The following PTPRD variants were observed in gnomAD, a reference collection of about 807,000 sequenced individuals.
PTPRD encodes the protein receptor-type tyrosine-protein phosphatase delta.
PTPRD carries 34 observed loss-of-function variants against 214.5 expected under a neutral mutation model. The observed-to-expected ratio is 0.16, with a 90% CI of 0.12 to 0.21. PTPRD has a LOEUF of 0.21. Among genes scored for constraint, PTPRD ranks in the 10% least tolerant of loss-of-function variants. The probability of loss-of-function intolerance (pLI) is 1.00; values close to 1 mark genes in which losing one functional copy is unlikely to be tolerated. For synonymous variants in PTPRD, 1,128 were observed against 845.7 expected, an observed-to-expected ratio of 1.33 and a Z score of -5.79; for missense variants, 2,545 against 2,398.7, an observed-to-expected ratio of 1.06 and a Z score of -1.27.
intron 11 of PTPRD, among the ~76,000 whole-genome samples, chr9:8,966,376 A>C (rs1463849562): frequency 6.6e-6 from 1 of 152,102 alleles, no homozygotes; most frequent in Non-Finnish European, 1.5e-5. Flanking sequence ...TAACCAAAAC[A>C]GCATGGTACT....
chr9:10,509,581 T>TATATATATATATATATA (rs1566622187), intron 2 of PTPRD, among the ~76,000 whole-genome samples: 42 of 58,974 alleles, frequency 7.1e-4, no homozygotes, highest in African/African-American at 3.0e-3. Context: ...ATATATATAT[T>TATATATATATATATATA]TTACTCACTT....
At chr9:8,627,139 T>A (rs1376228480) in intron 14 of PTPRD, among the ~76,000 whole-genome samples, 1 of 151,800 alleles carries the variant, frequency 6.6e-6, no homozygotes, top group Non-Finnish European at 1.5e-5. Context: ...ATTTTACACA[T>A]TTTGCACCCA....
chr9:8,433,874 C>T (rs553211431), intron 35 of PTPRD, among the ~76,000 whole-genome samples: 12 of 152,286 alleles, frequency 7.9e-5, no homozygotes, highest in African/African-American at 7.2e-5. Context: ...TATACAGTAA[C>T]GTCCTAGGCC....
intron 11 of PTPRD, among the ~76,000 whole-genome samples, chr9:8,755,676 G>C (rs1172246462): frequency 6.6e-6 from 1 of 152,076 alleles, no homozygotes; most frequent in Non-Finnish European, 1.5e-5. Flanking sequence ...AGAAAATATA[G>C]CTTTTCTAGA....
intron 2 of PTPRD, among the ~76,000 whole-genome samples, chr9:10,494,367 T>G (rs970315073): frequency 6.6e-6 from 1 of 151,818 alleles, no homozygotes; most frequent in Non-Finnish European, 1.5e-5. Flanking sequence ...GATCATTTAC[T>G]CTAATTTCTG....
In PTPRD at chr9:8,849,136, T is replaced by C. The variant is rs1450043399; in HGVS notation, c.-103-115190A>G. Among the ~76,000 whole-genome samples the C allele has an allele frequency of 2.6e-5, 4 of 151,922 alleles. No individual in the cohort carries two copies. The East Asian group carries it at 5.8e-4, about 22-fold the overall frequency. ...TTCTAATGAATAATTATTCTTCACA[T>C]TTTATGGTTTCAATTCTACTCAACT... On this transcript the variant is annotated intron_variant, in intron 11 of 45. Coordinates refer to ENST00000381196, the MANE Select transcript of PTPRD (RefSeq NM_002839.4).
intron 5 of PTPRD, among the ~76,000 whole-genome samples, chr9:9,929,162 G>C (rs2085447609): frequency 6.6e-6 from 1 of 152,092 alleles, no homozygotes; most frequent in South Asian, 2.1e-4. Context: ...GTGTTTGTTA[G>C]CTCCCACATT....
At chr9:10,097,872 G>A (rs1450721436) in intron 3 of PTPRD, among the ~76,000 whole-genome samples, 1 of 151,746 alleles carries the variant, frequency 6.6e-6, no homozygotes, top group Non-Finnish European at 1.5e-5. Flanking sequence ...ATTGGCTGTA[G>A]GAACACTTTC....
intron 8 of PTPRD, among the ~76,000 whole-genome samples, chr9:9,513,558 C>A (rs998721169): frequency 6.6e-6 from 1 of 150,620 alleles, no homozygotes; most frequent in East Asian, 2.0e-4. Flanking sequence ...TCTCCATGTA[C>A]TCAGTAATAA....
chr9:9,421,841 T>C (rs563330311), intron 8 of PTPRD, among the ~76,000 whole-genome samples: 2 of 152,200 alleles, frequency 1.3e-5, no homozygotes, highest in Admixed American at 6.5e-5. Flanking sequence ...TAATTCTTTC[T>C]TCTCCCTGAT....
chr9:9,656,364 G>A (rs775743801), intron 7 of PTPRD, among the ~76,000 whole-genome samples: 13 of 152,164 alleles, frequency 8.5e-5, no homozygotes, highest in Non-Finnish European at 1.9e-4. Context: ...ACTCCAAGAT[G>A]TCCTTCAGTA....
chr9:8,774,299 C>A (rs2095368890), intron 11 of PTPRD, among the ~76,000 whole-genome samples: 1 of 151,934 alleles, frequency 6.6e-6, no homozygotes, highest in South Asian at 2.1e-4. Flanking sequence ...GATTCAATTG[C>A]TAATTTGAAT....
At chr9:9,562,238 T>TC in intron 8 of PTPRD, among the ~76,000 whole-genome samples, 1 of 152,288 alleles carries the variant, frequency 6.6e-6, no homozygotes, top group South Asian at 2.1e-4. Context: ...TTCTCTTATG[T>TC]CCCTCAGGCA....
At chr9:8,988,150 C>G (rs2099352921) in intron 11 of PTPRD, among the ~76,000 whole-genome samples, 1 of 151,950 alleles carries the variant, frequency 6.6e-6, no homozygotes, top group African/African-American at 2.4e-5. Context: ...AGTTGTAGTT[C>G]ATATTATAAA....
At chr9:8,746,718 G>C (rs947428978) in intron 11 of PTPRD, among the ~76,000 whole-genome samples, 3 of 152,164 alleles carry the variant, frequency 2.0e-5, no homozygotes, top group African/African-American at 7.2e-5. Flanking sequence ...GCTGGGTCAG[G>C]CACGATGCCT....
intron 3 of PTPRD, among the ~76,000 whole-genome samples, chr9:10,085,935 G>C (rs2098330456): frequency 6.6e-6 from 1 of 151,782 alleles, no homozygotes; most frequent in Non-Finnish European, 1.5e-5. Flanking sequence ...AATCTAATAT[G>C]ATATGAGGCT....
In PTPRD at chr9:10,612,374, AAGAC is replaced by A. The variant is rs1272247329; in HGVS notation, c.-600+20_-600+23del. ...CATATGCTTCACTTTAGAGAAAAGA[AAGAC>A]AGAAGCACAGTTTACTTACTAAAGC... On this transcript the variant is annotated intron_variant, in intron 2 of 45. Coordinates refer to ENST00000381196, the MANE Select transcript of PTPRD (RefSeq NM_002839.4). 5 of 151,134 alleles carry A rather than the reference AAGAC, an allele frequency of 3.3e-5. No individual in the cohort carries two copies. In the South Asian group the frequency reaches 6.3e-4, roughly 19 times the overall value. 9.4% of individuals were successfully genotyped at this position (151,134 alleles called of 1,614,324 possible).
At chr9:9,471,823 T>C (rs1374735940) in intron 8 of PTPRD, among the ~76,000 whole-genome samples, 1 of 152,162 alleles carries the variant, frequency 6.6e-6, no homozygotes, top group Non-Finnish European at 1.5e-5. Flanking sequence ...TAGGCAGCAT[T>C]GCAGCATTCA....
At chr9:10,424,966 T>C (rs998122927) in intron 2 of PTPRD, among the ~76,000 whole-genome samples, 54 of 152,038 alleles carry the variant, frequency 3.6e-4, no homozygotes, top group Non-Finnish European at 5.3e-4. Context: ...TAGTGTTGCA[T>C]TCCAAGTTAA....
Sources: allele counts gnomAD v4.1 joint callset (sites outside exome capture counted in the v4.1 genomes callset), GRCh38; gene constraint gnomAD v4.1.1; transcripts MANE v1.5; gene names NCBI Gene and HGNC (gene_info 2026-07-23, HGNC 2026-07-21).